The following MALRD1 variants were observed in gnomAD, a reference collection of about 807,000 sequenced individuals.
MALRD1 encodes the protein MAM and LDL receptor class A domain containing 1, also known as MAM and LDL-receptor class A domain-containing protein 1.
Under a neutral mutation model 242.1 loss-of-function variants are expected in MALRD1, and 247 were observed. The ratio of observed to expected loss-of-function variants is 1.02; its 90% CI spans 0.92 to 1.13. MALRD1 has a LOEUF of 1.13. Ranked by LOEUF, MALRD1 falls within the 50% of genes most tolerant of loss-of-function variation. MALRD1 has a pLI of 0.00. For synonymous variants in MALRD1, 995 were observed against 866.6 expected (o/e 1.15, Z -2.60); for missense variants, 2,989 against 2,533.1 (o/e 1.18, Z -3.86).
At chr10:19,598,559 G>A (rs1838215480) in intron 34 of MALRD1, 1 of 152,028 alleles carries the variant, frequency 6.6e-6, no homozygotes, top group South Asian at 2.1e-4. Context: ...GGGAAAGTAA[G>A]AGGAGAAGAA....
At chr10:19,168,114 C>T (rs12249443) in intron 13 of MALRD1, among the ~76,000 whole-genome samples, 1,893 of 152,252 alleles carry the variant, frequency 0.012, 43 homozygotes, top group African/African-American at 0.043. Flanking sequence ...ACTCTAGGCT[C>T]GATCATTAAA....
intron 21 of MALRD1, among the ~76,000 whole-genome samples, chr10:19,301,334 A>G (rs1030548963): frequency 4.0e-5 from 6 of 151,836 alleles, no homozygotes; most frequent in African/African-American, 1.5e-4. Context: ...CAGAATTACC[A>G]TTCAATCCAG....
Position 19,348,009 on chromosome 10 carries a change from A to G in MALRD1, c.4140A>G (p.Lys1380=). 6.5e-7 allele frequency: 1 copy of G among 1,550,356 alleles called. No individual in the cohort carries two copies. The highest frequency in any genetic ancestry group is 8.7e-7 in the Non-Finnish European group (1 of 1,146,758). The change falls in exon 25 of 40, where the codon AAA becomes AAG. Residue 1380 remains lysine (K), a synonymous_variant. Transcript: ENST00000454679. ...GTCCAGTTATAAGTAAGAGAAGCAA[A>G]AACTGCAAGGTATGGGGAAAATCGA... ...ISSPVISKRS[K]NCKIIFHYHM...
At chr10:19,269,293 A>G (rs1440377216) in intron 19 of MALRD1, among the ~76,000 whole-genome samples, 2 of 152,156 alleles carry the variant, frequency 1.3e-5, no homozygotes, top group Non-Finnish European at 2.9e-5. Flanking sequence ...TGAGGTTCTT[A>G]TAATGGGATT....
chr10:19,358,434 A>T (rs939658809), intron 26 of MALRD1, among the ~76,000 whole-genome samples: 12 of 152,146 alleles, frequency 7.9e-5, no homozygotes, highest in Non-Finnish European at 1.6e-4. Flanking sequence ...TGGTGTAGCA[A>T]CTCAGTCAGA....
At chr10:19,289,930 C>T (rs1841325268) in intron 21 of MALRD1, among the ~76,000 whole-genome samples, 1 of 151,862 alleles carries the variant, frequency 6.6e-6, no homozygotes, top group Non-Finnish European at 1.5e-5. Context: ...TTGCTTCTGG[C>T]TCAGTAAAGT....
At chr10:19,427,337 T>C (rs1377229931) in intron 28 of MALRD1, among the ~76,000 whole-genome samples, 1 of 152,230 alleles carries the variant, frequency 6.6e-6, no homozygotes, top group Non-Finnish European at 1.5e-5. Flanking sequence ...CATATTTTTA[T>C]ATACGTAATA....
rs548203193 is a variant in MALRD1 at position 19,635,090 on chromosome 10, A to C, written c.6137+19167A>C. 3.3e-5 allele frequency among the ~76,000 whole-genome samples: 5 copies of C among 152,346 alleles called. No homozygotes were observed. The East Asian group carries it at 7.7e-4, about 24-fold the overall frequency. On this transcript the variant is annotated intron_variant, in intron 36 of 39. Transcript: ENST00000454679. ...AAACCTTTTATAGGAATAATCCCTAAGGTGATGGCAGCACAGGGACCTTGA... is the reference window on the plus strand; with the variant it reads ...AAACCTTTTATAGGAATAATCCCTACGGTGATGGCAGCACAGGGACCTTGA...
intron 36 of MALRD1, among the ~76,000 whole-genome samples, chr10:19,640,946 T>A (rs542747892): frequency 9.8e-4 from 150 of 152,314 alleles, no homozygotes; most frequent in African/African-American, 3.3e-3. Flanking sequence ...CAATAGGAAA[T>A]CATCTAATAA....
intron 21 of MALRD1, among the ~76,000 whole-genome samples, chr10:19,317,613 C>T (rs1052634153): frequency 1.3e-5 from 2 of 151,962 alleles, no homozygotes; most frequent in African/African-American, 2.4e-5. Flanking sequence ...GTCTCTCATA[C>T]TGTGTGTGTC....
At chr10:19,509,542 G>A (rs1412778) in intron 31 of MALRD1, among the ~76,000 whole-genome samples, 144,459 of 152,216 alleles carry the variant, frequency 0.95, 68,624 homozygotes, top group East Asian at 1. Context: ...ATCTTGAGAG[G>A]TTGATGCAAA....
At chr10:19,155,722 G>A (rs757421245) in intron 12 of MALRD1, among the ~76,000 whole-genome samples, 3 of 152,042 alleles carry the variant, frequency 2.0e-5, no homozygotes, top group Non-Finnish European at 2.9e-5. Flanking sequence ...CTTTTGAGAC[G>A]CAGTGTCTAC....
intron 2 of MALRD1, 36 bp from the exon 3 acceptor site, chr10:19,087,804 G>GT (rs1476180344): frequency 7.7e-5 from 83 of 1,073,498 alleles, no homozygotes; most frequent in Non-Finnish European, 7.9e-5. Flanking sequence ...CATTCTTTCT[G>GT]GTTTTTTTTT....
At chr10:19,706,562 G>A (rs1833875653) in intron 38 of MALRD1, among the ~76,000 whole-genome samples, 1 of 152,048 alleles carries the variant, frequency 6.6e-6, no homozygotes, top group Non-Finnish European at 1.5e-5. Context: ...ACATGGGCCA[G>A]GCTAGTCTCA....
intron 30 of MALRD1, among the ~76,000 whole-genome samples, chr10:19,493,581 G>A (rs1460576520): frequency 2.6e-5 from 4 of 151,484 alleles, no homozygotes; most frequent in Non-Finnish European, 5.9e-5. Context: ...AGGCCGATGC[G>A]GGTGGATCAC....
intron 19 of MALRD1, among the ~76,000 whole-genome samples, chr10:19,260,661 C>G (rs1190017921): frequency 1.3e-5 from 2 of 151,944 alleles, no homozygotes; most frequent in Non-Finnish European, 2.9e-5. Context: ...TTTACTTAAT[C>G]TTACAATGTT....
intron 32 of MALRD1, among the ~76,000 whole-genome samples, chr10:19,551,326 T>C (rs961413741): frequency 6.6e-6 from 1 of 152,190 alleles, no homozygotes; most frequent in Non-Finnish European, 1.5e-5. Flanking sequence ...TCACCTCCCC[T>C]GTTCACTGTA....
At chr10:19,353,986 CA>C (rs1844514576) in intron 26 of MALRD1, among the ~76,000 whole-genome samples, 1 of 151,576 alleles carries the variant, frequency 6.6e-6, no homozygotes, top group African/African-American at 2.4e-5. Flanking sequence ...CTCAGCCTCC[CA>C]AAGTCCTAGG....
chr10:19,304,217 T>C (rs1053420496), intron 21 of MALRD1, among the ~76,000 whole-genome samples: 1 of 151,720 alleles, frequency 6.6e-6, no homozygotes, highest in African/African-American at 2.4e-5. Context: ...CCTGTGGACT[T>C]GGACTAAATT....
Sources: gnomAD v4.1 joint callset for allele counts (sites outside exome capture counted in the v4.1 genomes callset) on GRCh38, gnomAD v4.1.1 for gene constraint, MANE v1.5 for transcripts, NCBI Gene and HGNC (gene_info 2026-07-23, HGNC 2026-07-21) for gene names.